The following CAMKK2 variants were observed in gnomAD, a reference collection of about 807,000 sequenced individuals.
The protein encoded by CAMKK2 is calcium/calmodulin dependent protein kinase kinase 2.
CAMKK2 carries 30 observed loss-of-function variants against 67.2 expected under a neutral mutation model. The observed-to-expected ratio is 0.45, with a 90% confidence interval of 0.33 to 0.61. CAMKK2 has a LOEUF of 0.61. CAMKK2 is among the 20% of genes least tolerant of loss of function. The pLI is 0.02. For missense variants in CAMKK2, 643 were observed against 802.0 expected (o/e 0.80, Z 2.39); for synonymous variants, 322 against 326.2 (o/e 0.99, Z 0.14).
chr12:121,270,807 T>A, intron 3 of CAMKK2, 91 bp downstream of exon 3: 1 of 1,017,876 alleles, frequency 9.8e-7, no homozygotes, highest in Non-Finnish European at 1.5e-6. Flanking sequence ...CAAAGACTCC[T>A]CTCCTGCTCC....
intron 11 of CAMKK2, among the ~76,000 whole-genome samples, chr12:121,252,086 T>C (rs1490076567): frequency 6.7e-6 from 1 of 150,294 alleles, no homozygotes; most frequent in Non-Finnish European, 1.5e-5. Context: ...ATGGGAGAGG[T>C]GGCAGAACTG....
rs148383667 is a variant in CAMKK2, at chr12:121,275,302, G to A, written c.-59-717C>T. ...AATTCCAGATCAGCCTGGCCAACATGGTGAAACCTCATCTCTACTAAAAAT... is the reference window on the plus strand; with the variant it reads ...AATTCCAGATCAGCCTGGCCAACATAGTGAAACCTCATCTCTACTAAAAAT... On this transcript the variant is annotated intron_variant, in intron 1 of 16. Transcript: ENST00000404169. Among the ~76,000 whole-genome samples the A allele has an allele frequency of 2.4e-3, 372 of 152,158 alleles. 1 individual carries two copies. Among genetic ancestry groups the A allele is most frequent in the African/African-American group, 8.5e-3 (353 of 41,480 alleles).
At chr12:121,252,866 C>A in intron 10 of CAMKK2, 152 bp from the exon 11 acceptor site, 1 of 714,706 alleles carries the variant, frequency 1.4e-6, no homozygotes, top group South Asian at 1.8e-5. Flanking sequence ...GGCACAGGAT[C>A]CAGGCCAGGC....
At chr12:121,292,005 G>A (rs984732288) in intron 1 of CAMKK2, among the ~76,000 whole-genome samples, 8 of 151,798 alleles carry the variant, frequency 5.3e-5, no homozygotes, top group Admixed American at 5.2e-4. Context: ...GCAGTGAGCC[G>A]AGATCACGCC....
rs892010551 is a variant in CAMKK2, at chr12:121,253,049, C to T, written c.1107+224G>A. Among the ~76,000 whole-genome samples, 3 of 152,226 alleles carry T rather than the reference C, an allele frequency of 2.0e-5. No individual in the cohort carries two copies. Among genetic ancestry groups the T allele is most frequent in the Non-Finnish European group, 4.4e-5 (3 of 68,038 alleles). On this transcript the variant is annotated intron_variant, in intron 10 of 16. Transcript: ENST00000404169. This position sits in a 1 kb window ranked among gnomAD's most constrained non-coding sequence, Gnocchi z 5.0. ...AGAAAGTAACCTGGTCCCTGGGTGC[C>T]TGACCCACCTGTGGAGGAAACCAAA...
chr12:121,258,277 G>C (rs1188088503), intron 7 of CAMKK2, among the ~76,000 whole-genome samples: 2 of 151,956 alleles, frequency 1.3e-5, no homozygotes, highest in African/African-American at 4.8e-5. Context: ...ACCTGCCTTG[G>C]CCTCCCAAAG....
chr12:121,253,740 C>T lies in CAMKK2; in HGVS notation c.908-268G>A, dbSNP rs1891277037. Among the ~76,000 whole-genome samples the T allele has an allele frequency of 6.6e-6, 1 of 152,210 alleles. No homozygotes were observed. Among genetic ancestry groups the T allele is most frequent in the African/African-American group, 2.4e-5 (1 of 41,440 alleles). On this transcript the variant is annotated intron_variant, in intron 9 of 16. Transcript: ENST00000404169. The surrounding 1 kb of genome is among the most constrained non-coding windows in gnomAD (Gnocchi z 5.0). ...ATGACACATAAAACACTGCCAATAG[C>T]AATTCGTAATCGCCTGTTATTTATT...
chr12:121,286,016 G>A (rs1341238598), intron 1 of CAMKK2, among the ~76,000 whole-genome samples: 1 of 152,214 alleles, frequency 6.6e-6, no homozygotes, highest in African/African-American at 2.4e-5. Context: ...GAAAAGAGCT[G>A]AGGTTGAAGA....
In CAMKK2 at chr12:121,240,518, C is replaced by G. The variant is rs769865227; in HGVS notation, c.*181G>C. The G allele has an allele frequency of 1.3e-6, 2 of 1,516,728 alleles. No individual in the cohort carries two copies. The highest frequency in any genetic ancestry group is 1.8e-6 in the Non-Finnish European group (2 of 1,136,882). The allele number at this position is 1,516,728 out of a possible 1,614,324, so 94.0% of individuals were successfully genotyped here. The stretch of plus-strand genomic sequence containing the variant: ...GCGGCCACGGTCGACGTCATGGAGT[C>G]AAGTCCTTTTTTTTTTTTTGTCCCC... On this transcript the variant is annotated 3_prime_UTR_variant, in exon 17 of 17. Transcript: ENST00000404169. The surrounding 1 kb of genome is among the most constrained non-coding windows in gnomAD (Gnocchi z 4.4).
intron 7 of CAMKK2, among the ~76,000 whole-genome samples, chr12:121,258,842 AT>A (rs63519464): frequency 0.13 from 16,998 of 129,518 alleles, 1,112 homozygotes; most frequent in African/African-American, 0.24. Context: ...GTCAAAGCCA[AT>A]TTTTTTTTTT....
At position 121,245,357 on chromosome 12, in the gene CAMKK2, C is replaced by A; in HGVS notation, c.1453-117G>T. The A allele has an allele frequency of 1.5e-6, 1 of 679,056 alleles. No homozygotes were observed. The highest frequency in any genetic ancestry group is 2.7e-6 in the Non-Finnish European group (1 of 374,536). The allele number at this position is 679,056 out of a possible 1,614,324, so 42.1% of individuals were successfully genotyped here. On this transcript the variant is annotated intron_variant, in intron 14 of 16. Transcript: ENST00000404169. This position sits in a 1 kb window ranked among gnomAD's most constrained non-coding sequence, Gnocchi z 5.8. ...CCCTGCCAGCTCCCAGGGCTGGTGA[C>A]CGATGGCAGACTTTGAGAGAAACTG...
At position 121,255,304 on chromosome 12, in the gene CAMKK2, T is replaced by TTATATATAATTATATATATAATTA. The variant is rs71079045; in HGVS notation, c.907+245_907+246insTAATTATATATATAATTATATATA. The stretch of plus-strand genomic sequence containing the variant: ...TATATATATAATTATATATATAATT[T>TTATATATAATTATATATATAATTA]TATATATAATTTTATATATATATAA... On this transcript the variant is annotated intron_variant, in intron 9 of 16. Transcript: ENST00000404169. Among the ~76,000 whole-genome samples the TTATATATAATTATATATATAATTA allele has an allele frequency of 5.0e-4, 3 of 6,010 alleles. 1 individual carries two copies. Among genetic ancestry groups the TTATATATAATTATATATATAATTA allele is most frequent in the African/African-American group, 1.9e-3 (3 of 1,610 alleles). 3.9% of individuals were successfully genotyped at this position (6,010 alleles called of 152,430 possible).
intron 7 of CAMKK2, among the ~76,000 whole-genome samples, chr12:121,259,169 C>T (rs1593349859): frequency 2.0e-5 from 3 of 152,222 alleles, no homozygotes. Flanking sequence ...TGTAAAATAC[C>T]TTCTGCCACC....
Position 121,239,414 on chromosome 12 carries a change from T to C in CAMKK2, c.*1285A>G, listed in dbSNP as rs1293948189. The C allele has an allele frequency of 6.6e-6, 1 of 152,220 alleles. No homozygotes were observed. Among genetic ancestry groups the C allele is most frequent in the African/African-American group, 2.4e-5 (1 of 41,448 alleles). The allele number at this position is 152,220 out of a possible 1,614,324, so 9.4% of individuals were successfully genotyped here. ...GATGAACCCTTTCTTTCTGGACTTT[T>C]AGCTACAAAGGGGAACTTCCTGTGC... On this transcript the variant is annotated 3_prime_UTR_variant, in exon 17 of 17. Transcript: ENST00000404169.
chr12:121,261,969 C>T (rs555569282), intron 6 of CAMKK2, among the ~76,000 whole-genome samples: 2 of 152,204 alleles, frequency 1.3e-5, no homozygotes. Context: ...TGCAGATCCC[C>T]AAGATGCTTC....
In CAMKK2 at chr12:121,240,817, C is replaced by T. The variant is rs1462274102; in HGVS notation, c.1649G>A (p.Gly550Glu). Residue 550 changes from glycine to glutamate, a missense_variant, in exon 17 of 17, where the codon GGA (glycine) becomes GAA (glutamate). This residue lies in a region of CAMKK2 where 140 missense variants were observed against 124.2 expected (regional missense o/e 1.13). Transcript: ENST00000404169. The surrounding 1 kb of genome is among the most constrained non-coding windows in gnomAD (Gnocchi z 4.4). ...PPGHRPAPRG[G>E]GGSALVRGSP... is the part of the protein sequence containing the mutation. ...GCCTCTCACAAGAGCACTTCCTCCT[C>T]CCCCACGGGGGGCGGGTCGGTGCCC... 1.9e-6 allele frequency: 3 copies of T among 1,611,666 alleles called. No homozygotes were observed. The East Asian group carries it at 6.7e-5, about 36-fold the overall frequency.
intron 11 of CAMKK2, among the ~76,000 whole-genome samples, chr12:121,250,883 A>G (rs1244354948): frequency 6.6e-6 from 1 of 152,244 alleles, no homozygotes; most frequent in Non-Finnish European, 1.5e-5. Context: ...CTCATTTTAC[A>G]GAAGAGAAAA....
chr12:121,255,953 G>A, intron 7 of CAMKK2, 149 bp from the exon 8 acceptor site: 1 of 752,894 alleles, frequency 1.3e-6, no homozygotes, highest in Non-Finnish European at 2.3e-6. Context: ...ACTGAACCAA[G>A]CTGGCCAAGG....
intron 2 of CAMKK2, 54 bp downstream of exon 2, chr12:121,274,002 G>T: frequency 7.7e-7 from 1 of 1,294,340 alleles, no homozygotes; most frequent in Non-Finnish European, 1.0e-6. Context: ...CCTGCTGGGG[G>T]CAGGGAAGGG....
Sources: gnomAD v4.1 joint callset for allele counts (sites outside exome capture counted in the v4.1 genomes callset) on GRCh38, gnomAD v4.1.1 for gene constraint, gnomAD v4.1.1 regional missense constraint, Gnocchi (gnomAD v3.1) non-coding constraint, MANE v1.5 for transcripts, NCBI Gene and HGNC (gene_info 2026-07-23, HGNC 2026-07-21) for gene names.